ALDH3A2: variants seen among roughly 807,000 people sequenced by gnomAD.
ALDH3A2 encodes aldehyde dehydrogenase family 3 member A2.
Under a neutral mutation model 51.3 loss-of-function variants are expected in ALDH3A2, and 36 were observed. That is an observed-to-expected ratio of 0.70 (90% confidence interval 0.54 to 0.93). The LOEUF (loss-of-function observed/expected upper bound fraction) is 0.93. Among genes scored for constraint, ALDH3A2 ranks in the 40% least tolerant of loss-of-function variants. The probability of loss-of-function intolerance (pLI) is 0.00; values close to 1 mark genes in which losing one functional copy is unlikely to be tolerated. For missense variants in ALDH3A2, 552 were observed against 603.1 expected (o/e 0.92, Z 0.89); for synonymous variants, 199 against 219.8 (o/e 0.91, Z 0.84).
At chr17:19,669,270 T>C (rs1259156528) in intron 8 of ALDH3A2, among the ~76,000 whole-genome samples, 1 of 152,000 alleles carries the variant, frequency 6.6e-6, no homozygotes, top group Non-Finnish European at 1.5e-5. Context: ...GCCACTGCAC[T>C]CCAGCCTGGG....
rs748362398 is a variant in ALDH3A2, at chr17:19,648,912, G to A, written c.-60G>A. 21 of 1,534,930 alleles carry A rather than the reference G, an allele frequency of 1.4e-5. No individual in the cohort carries two copies. Among genetic ancestry groups the A allele is most frequent in the Non-Finnish European group, 1.8e-5 (20 of 1,139,322 alleles). ...AGGGAGGCGAGGCCTGCACCTGCAT[G>A]CTTCCCGCCTCCCACTCCCCAGCGC... On this transcript the variant is annotated 5_prime_UTR_variant, in exon 1 of 10. The change abolishes an upstream ATG in the 5' untranslated region. Transcript: ENST00000176643.
chr17:19,649,719 T>G (rs1181835799), intron 1 of ALDH3A2: 1 of 152,338 alleles, frequency 6.6e-6, no homozygotes, highest in Non-Finnish European at 1.5e-5. Context: ...CTCCTCAAAT[T>G]TTAATGCACT....
At position 19,654,235 on chromosome 17, in the gene ALDH3A2, G is replaced by A. The variant is rs1299504507; in HGVS notation, c.471+1603G>A. On this transcript the variant is annotated intron_variant, in intron 3 of 9. Coordinates refer to ENST00000176643, the MANE Select transcript of ALDH3A2 (RefSeq NM_000382.3). The surrounding 1 kb of genome is among the most constrained non-coding windows in gnomAD (Gnocchi z 4.5). ...CTCTAAGTCCCCACCCGACTCAGGA[G>A]CCCAGCTGGCTTTGCCTAGTGGATC... Among the ~76,000 whole-genome samples the A allele has an allele frequency of 6.6e-6, 1 of 152,278 alleles. No individual in the cohort carries two copies. The highest frequency in any genetic ancestry group is 1.5e-5 in the Non-Finnish European group (1 of 68,052).
In ALDH3A2 at chr17:19,676,953, A is replaced by T. The variant is rs1029068551; in HGVS notation, c.*1381A>T. 6.6e-6 allele frequency: 1 copy of T among 152,220 alleles called. No individual in the cohort carries two copies. The highest frequency in any genetic ancestry group is 1.5e-5 in the Non-Finnish European group (1 of 68,050). 9.4% of individuals were successfully genotyped at this position (152,220 alleles called of 1,614,324 possible). A position where few individuals can be genotyped will look rare whatever the true frequency, so the allele number is the denominator to read the frequency against. On this transcript the variant is annotated 3_prime_UTR_variant, in exon 10 of 10. Transcript: ENST00000176643. ...TGGATGGTCTGGACAAGAAGCGAGT[A>T]AGCCACTGCGGTTGGTCATACTGAA...
chr17:19,659,684 A>C (rs1477579325), intron 5 of ALDH3A2: 1 of 152,110 alleles, frequency 6.6e-6, no homozygotes, highest in Non-Finnish European at 1.5e-5. Context: ...TCGCTACAAG[A>C]AATACAAAAA....
At chr17:19,673,384 TTG>T (rs1402562683) in intron 9 of ALDH3A2, 18 of 1,351,166 alleles carry the variant, frequency 1.3e-5, no homozygotes, top group East Asian at 2.8e-5. Context: ...GTTTTTATTT[TTG>T]TTTTTTTTTT....
In ALDH3A2 at chr17:19,670,209, AT is replaced by A. The variant is rs144887597; in HGVS notation, c.1208-1511del. Among the ~76,000 whole-genome samples the A allele has an allele frequency of 2.0e-3, 309 of 152,304 alleles. 4 individuals are homozygous for A. The East Asian group carries it at 0.047, about 23-fold the overall frequency. On this transcript the variant is annotated intron_variant, in intron 8 of 9. Coordinates refer to ENST00000176643, the MANE Select transcript of ALDH3A2 (RefSeq NM_000382.3). Reference sequence around the variant, plus strand: ...AAACAAACAAACAAAACCTTCCGAAATCCCCTAGGATTTTTATTAAAATTGA... The same window carrying A: ...AAACAAACAAACAAAACCTTCCGAAACCCCTAGGATTTTTATTAAAATTGA...
chr17:19,673,787 T>C (rs974220562), intron 9 of ALDH3A2, among the ~76,000 whole-genome samples: 11 of 152,102 alleles, frequency 7.2e-5, no homozygotes, highest in Non-Finnish European at 1.5e-4. Context: ...GGGCCCAGAG[T>C]ATCAGGGTGT....
intron 8 of ALDH3A2, among the ~76,000 whole-genome samples, chr17:19,669,590 G>A (rs1370641977): frequency 2.6e-5 from 4 of 152,084 alleles, no homozygotes; most frequent in Admixed American, 2.6e-4. Context: ...TTTAGTAAGT[G>A]CTTATTGTAT....
intron 3 of ALDH3A2, among the ~76,000 whole-genome samples, chr17:19,653,136 C>T (rs1687688827): frequency 6.7e-6 from 1 of 149,456 alleles, no homozygotes; most frequent in South Asian, 2.1e-4. Flanking sequence ...CCTTTGCCTC[C>T]TGGGTGCAAG....
intron 6 of ALDH3A2, chr17:19,661,509 T>C: frequency 2.1e-6 from 1 of 473,626 alleles, no homozygotes. Context: ...ACATAACTCC[T>C]TTTTTCCTCC....
In ALDH3A2 at chr17:19,648,991, G is replaced by A. The variant is rs1185454985; in HGVS notation, c.20G>A (p.Arg7Gln). 6 of 1,586,004 alleles carry A rather than the reference G, an allele frequency of 3.8e-6. No individual in the cohort carries two copies. The highest frequency in any genetic ancestry group is 1.8e-5 in the Admixed American group (1 of 55,482). Residue 7 changes from arginine (R) to glutamine (Q), a missense_variant, in exon 1 of 10, where the codon CGG becomes CAG. Transcript: ENST00000176643. ...CAGGCCATGGAGCTCGAAGTCCGGCGGGTCCGACAGGCGTTCCTGTCCGGC... is the reference window on the plus strand; with the variant it reads ...CAGGCCATGGAGCTCGAAGTCCGGCAGGTCCGACAGGCGTTCCTGTCCGGC... MELEVR[R>Q]VRQAFLSGRS...
chr17:19,651,845 T>C (rs2084820696), intron 2 of ALDH3A2, 67 bp downstream of exon 2: 1 of 1,402,090 alleles, frequency 7.1e-7, no homozygotes, highest in Non-Finnish European at 1.0e-6. Context: ...AATTGGAAAT[T>C]AAGGATAGTG....
chr17:19,654,695 C>T lies in ALDH3A2; in HGVS notation c.472-1671C>T, dbSNP rs1040915912. ...GCAGCCCCGGTTCCTGCCTGCGCCT[C>T]TCCCTCCACACCTTCCCACAAGCAG... On this transcript the variant is annotated intron_variant, in intron 3 of 9. Transcript: ENST00000176643. The surrounding 1 kb of genome is among the most constrained non-coding windows in gnomAD (Gnocchi z 4.5). Among the ~76,000 whole-genome samples the T allele has an allele frequency of 2.6e-5, 4 of 152,002 alleles. No homozygotes were observed. The highest frequency in any genetic ancestry group is 9.7e-5 in the African/African-American group (4 of 41,408).
chr17:19,675,503 G>A (rs546233099), intron 9 of ALDH3A2, 55 bp from the exon 10 acceptor site: 8 of 1,589,206 alleles, frequency 5.0e-6, no homozygotes, highest in Non-Finnish European at 6.0e-6. Flanking sequence ...AAGGCTGGTT[G>A]TGGGTAGGTT....
intron 6 of ALDH3A2, among the ~76,000 whole-genome samples, chr17:19,662,485 G>A (rs1050138994): frequency 3.9e-5 from 6 of 152,306 alleles, no homozygotes; most frequent in South Asian, 2.1e-4. Context: ...TGGTTGACGA[G>A]CCAGTTTCTT....
In ALDH3A2 at chr17:19,661,283, C is replaced by T. The variant is rs748243317; in HGVS notation, c.940+15C>T. 3.7e-6 allele frequency: 6 copies of T among 1,613,966 alleles called. No individual in the cohort carries two copies. The highest frequency in any genetic ancestry group is 2.7e-5 in the African/African-American group (2 of 74,918). On this transcript the variant is annotated intron_variant, in intron 6 of 9. Transcript: ENST00000176643. ...ACGCTACATAGGTAATGGAAATTCT[C>T]CTTTTCCTATGGGAAGATGGCAATT...
In ALDH3A2 at chr17:19,649,018, G is replaced by T. The variant is rs1288402141; in HGVS notation, c.47G>T (p.Arg16Leu). Residue 16 changes from arginine (R) to leucine (L), a missense_variant, in exon 1 of 10, where the codon CGG (arginine) becomes CTG (leucine). Arg to Leu is a moderately radical substitution (Grantham distance 102, BLOSUM62 -2). Coordinates refer to ENST00000176643, the MANE Select transcript of ALDH3A2 (RefSeq NM_000382.3). ...GTCCGACAGGCGTTCCTGTCCGGCCGGTCGCGACCTCTGCGGTTTCGGCTG... is the reference window on the plus strand; with the variant it reads ...GTCCGACAGGCGTTCCTGTCCGGCCTGTCGCGACCTCTGCGGTTTCGGCTG... ...RRVRQAFLSG[R>L]SRPLRFRLQQ... The T allele has an allele frequency of 6.3e-7, 1 of 1,582,402 alleles. No homozygotes were observed. Among genetic ancestry groups the T allele is most frequent in the South Asian group, 1.2e-5 (1 of 86,772 alleles).
intron 9 of ALDH3A2, chr17:19,673,020 A>C: frequency 8.2e-7 from 1 of 1,214,074 alleles, no homozygotes; most frequent in Non-Finnish European, 1.2e-6. Context: ...CAGCCTGGGC[A>C]ATAGAGCGAG....
Sources: allele counts gnomAD v4.1 joint callset (sites outside exome capture counted in the v4.1 genomes callset), GRCh38; gene constraint gnomAD v4.1.1; non-coding constraint Gnocchi (gnomAD v3.1); transcripts MANE v1.5; gene names NCBI Gene and HGNC (gene_info 2026-07-23, HGNC 2026-07-21).